The following DPY19L1 variants were observed in gnomAD, a reference collection of about 807,000 sequenced individuals.
DPY19L1 encodes dpy-19 like C-mannosyltransferase 1.
DPY19L1 carries 35 observed loss-of-function variants against 96.9 expected under a neutral mutation model. The observed-to-expected ratio is 0.36, with a 90% CI of 0.28 to 0.48. The LOEUF (loss-of-function observed/expected upper bound fraction) is 0.48, where lower values mean the gene tolerates loss of function less well. Ranked by LOEUF, DPY19L1 falls within the 20% of genes least tolerant of loss-of-function variation. DPY19L1 has a pLI of 0.99. For missense variants in DPY19L1, 521 were observed against 777.9 expected (o/e 0.67, Z 3.93); for synonymous variants, 205 against 252.6 (o/e 0.81, Z 1.79).
chr7:35,010,451 T>A lies in DPY19L1; in HGVS notation c.764+17A>T. 3 of 1,387,966 alleles carry A rather than the reference T, an allele frequency of 2.2e-6. No individual in the cohort carries two copies. The South Asian group carries it at 3.7e-5, about 17-fold the overall frequency. 86.0% of individuals were successfully genotyped at this position (1,387,966 alleles called of 1,614,324 possible). The stretch of plus-strand genomic sequence containing the variant: ...TATTTTAGTATATCTTATAAACACA[T>A]ACTAAAATATTCTTACCTTAAATAT... On this transcript the variant is annotated intron_variant, in intron 6 of 21. Coordinates refer to ENST00000638088, the MANE Select transcript of DPY19L1 (RefSeq NM_001366673.1).
At chr7:34,946,319 C>T (rs1447289795) in intron 15 of DPY19L1, among the ~76,000 whole-genome samples, 4 of 152,172 alleles carry the variant, frequency 2.6e-5, no homozygotes, top group Admixed American at 6.5e-5. Context: ...CCTTATCAGT[C>T]GAGATCAGTT....
intron 3 of DPY19L1, among the ~76,000 whole-genome samples, chr7:35,014,145 T>A (rs1459285929): frequency 6.6e-6 from 1 of 152,192 alleles, no homozygotes; most frequent in Non-Finnish European, 1.5e-5. Flanking sequence ...ATCAGTCATT[T>A]TTCCTCCGGA....
chr7:34,946,291 T>C (rs1344169715), intron 15 of DPY19L1, among the ~76,000 whole-genome samples: 3 of 152,228 alleles, frequency 2.0e-5, no homozygotes, highest in Non-Finnish European at 4.4e-5. Flanking sequence ...CAGCTGCTGC[T>C]TGAATCTATA....
chr7:35,003,258 A>G (rs1785471200), intron 6 of DPY19L1, among the ~76,000 whole-genome samples: 1 of 152,228 alleles, frequency 6.6e-6, no homozygotes, highest in Admixed American at 6.5e-5. Flanking sequence ...AGAGGAACAA[A>G]CAGGATAAGG....
chr7:35,020,484 T>A (rs1785970138), intron 1 of DPY19L1, among the ~76,000 whole-genome samples: 1 of 152,208 alleles, frequency 6.6e-6, no homozygotes, highest in African/African-American at 2.4e-5. Context: ...TTGAGAAAAA[T>A]TCTACAGGTA....
intron 1 of DPY19L1, among the ~76,000 whole-genome samples, chr7:35,030,168 T>C (rs974489346): frequency 3.3e-5 from 5 of 152,246 alleles, no homozygotes; most frequent in Non-Finnish European, 7.3e-5. Context: ...AGAAAAAGAT[T>C]CTGCTGTTGA....
chr7:34,974,774 CCTGCATCAAGCAAGT>C (rs1170864187), intron 7 of DPY19L1, among the ~76,000 whole-genome samples: 6 of 152,206 alleles, frequency 3.9e-5, no homozygotes, highest in African/African-American at 1.4e-4. Context: ...TTGTGGCAAC[CCTGCATCAAGCAAGT>C]CTATCAGTGC....
intron 6 of DPY19L1, among the ~76,000 whole-genome samples, chr7:35,004,570 A>G (rs1426397812): frequency 4.6e-5 from 7 of 152,220 alleles, no homozygotes; most frequent in East Asian, 1.9e-4. Flanking sequence ...TCATGGGTAC[A>G]TAAGTATTCA....
chr7:34,993,891 C>G (rs1240531556), intron 6 of DPY19L1, among the ~76,000 whole-genome samples: 1 of 151,426 alleles, frequency 6.6e-6, no homozygotes, highest in Non-Finnish European at 1.5e-5. Context: ...GAAACACTAT[C>G]TCTACGAAAA....
intron 21 of DPY19L1, 68 bp downstream of exon 21, chr7:34,937,926 A>T: frequency 6.5e-7 from 1 of 1,531,508 alleles, no homozygotes; most frequent in Non-Finnish European, 8.9e-7. Context: ...CCAGCAAAGC[A>T]TGTGCCATGT....
In DPY19L1 at chr7:34,949,849, A is replaced by G; in HGVS notation, c.1370T>C (p.Phe457Ser). Residue 457 changes from phenylalanine to serine, a missense_variant, in exon 14 of 22, where the codon TTT (phenylalanine) becomes TCT (serine). By Grantham distance (155) the Phe-to-Ser change is radical (BLOSUM62 -2). Coordinates refer to ENST00000638088, the MANE Select transcript of DPY19L1 (RefSeq NM_001366673.1). The part of the protein sequence containing the change: ...LTSKFFSYKD[F>S]DTLLYTCAAE... ...TGCACAGGTATACAATAAAGTATCA[A>G]AATCCTTATAACTAAAGAATTTTGA... The G allele has an allele frequency of 6.2e-7, 1 of 1,603,116 alleles. No homozygotes were observed. Among genetic ancestry groups the G allele is most frequent in the Non-Finnish European group, 8.5e-7 (1 of 1,176,090 alleles).
chr7:34,930,542 C>T lies in DPY19L1; in HGVS notation c.*1031G>A. The T allele has an allele frequency of 6.6e-6, 1 of 152,134 alleles. No homozygotes were observed. The highest frequency in any genetic ancestry group is 1.9e-4 in the East Asian group (1 of 5,186). The allele number at this position is 152,134 out of a possible 1,614,324, so 9.4% of individuals were successfully genotyped here. A position where few individuals can be genotyped will look rare whatever the true frequency, so the allele number is the denominator to read the frequency against. ...TTATCATTATTCTTTACATTTTTGA[C>T]AGCAAAATTAGTCATGTTTTATTGT... On this transcript the variant is annotated 3_prime_UTR_variant, in exon 22 of 22. Transcript: ENST00000638088.
intron 20 of DPY19L1, chr7:34,939,068 C>A: frequency 2.2e-6 from 1 of 455,790 alleles, no homozygotes; most frequent in Non-Finnish European, 3.8e-6. Flanking sequence ...AGAAGAGAGC[C>A]CCCAAAGTTG....
intron 6 of DPY19L1, among the ~76,000 whole-genome samples, chr7:34,994,384 C>T (rs770298073): frequency 6.6e-6 from 1 of 152,026 alleles, no homozygotes; most frequent in Non-Finnish European, 1.5e-5. Context: ...AAAAATGACA[C>T]TTGGGGAATT....
At chr7:35,033,193 T>C (rs1409363298) in intron 1 of DPY19L1, among the ~76,000 whole-genome samples, 2 of 152,236 alleles carry the variant, frequency 1.3e-5, no homozygotes, top group Non-Finnish European at 2.9e-5. Context: ...TGTCATACTC[T>C]TCTGTTCGGC....
chr7:34,944,090 C>T lies in DPY19L1; in HGVS notation c.1545-1451G>A, dbSNP rs1047205332. Among the ~76,000 whole-genome samples, 10 of 151,910 alleles carry T rather than the reference C, an allele frequency of 6.6e-5. No homozygotes were observed. In the East Asian group the frequency reaches 7.7e-4, roughly 12 times the overall value. On this transcript the variant is annotated intron_variant, in intron 16 of 21. Transcript: ENST00000638088. ...TTATAAAATAAAATATAGGGCCAGG[C>T]GCAGTGGCTCATGCCTATAATCCCA...
At chr7:34,937,712 G>T (rs1385407833) in intron 21 of DPY19L1, among the ~76,000 whole-genome samples, 2 of 152,118 alleles carry the variant, frequency 1.3e-5, no homozygotes, top group African/African-American at 4.8e-5. Flanking sequence ...GGCAGGAGTA[G>T]CACTTGAGGC....
At chr7:34,959,115 A>G (rs1206451597) in intron 10 of DPY19L1, among the ~76,000 whole-genome samples, 2 of 152,210 alleles carry the variant, frequency 1.3e-5, no homozygotes, top group African/African-American at 4.8e-5. Context: ...ATGAAAAAAA[A>G]GCTCATCATA....
At chr7:34,997,333 C>T (rs1785309715) in intron 6 of DPY19L1, among the ~76,000 whole-genome samples, 1 of 149,930 alleles carries the variant, frequency 6.7e-6, no homozygotes, top group East Asian at 1.9e-4. Flanking sequence ...TGGCTCACGC[C>T]TGTAATCCCA....
Sources: allele counts gnomAD v4.1 joint callset (sites outside exome capture counted in the v4.1 genomes callset), GRCh38; gene constraint gnomAD v4.1.1; transcripts MANE v1.5; gene names NCBI Gene and HGNC (gene_info 2026-07-23, HGNC 2026-07-21).